Variants in SNTG1 observed in about 807,000 individuals in gnomAD.
SNTG1 encodes gamma-1-syntrophin.
Under a neutral mutation model 74.7 loss-of-function variants are expected in SNTG1, and 39 were observed. The observed-to-expected ratio is 0.52, with a 90% confidence interval of 0.40 to 0.68. The LOEUF (loss-of-function observed/expected upper bound fraction) is 0.68. SNTG1 is among the 30% of genes least tolerant of loss of function. The pLI is 0.00. For missense variants in SNTG1, 685 were observed against 609.5 expected (o/e 1.12, Z -1.30); for synonymous variants, 254 against 217.1 (o/e 1.17, Z -1.49).
At chr8:49,962,325 T>C (rs569178191) in intron 1 of SNTG1, among the ~76,000 whole-genome samples, 17 of 151,444 alleles carry the variant, frequency 1.1e-4, no homozygotes, top group African/African-American at 3.9e-4. Context: ...GGGTGATATC[T>C]AGGGTGCCTT....
In SNTG1 at chr8:50,671,283, C is replaced by T. The variant is rs1267370295; in HGVS notation, c.1038+12620C>T. Reference sequence around the variant, plus strand: ...CCTACAAAATGGGAGAAAATTTTTGCAACCTACTCATCTGACAAAGGGCTA... The same window carrying T: ...CCTACAAAATGGGAGAAAATTTTTGTAACCTACTCATCTGACAAAGGGCTA... On this transcript the variant is annotated intron_variant, in intron 15 of 18. Transcript: ENST00000642720. Among the ~76,000 whole-genome samples, 6 of 151,820 alleles carry T rather than the reference C, an allele frequency of 4.0e-5. No homozygotes were observed. In the East Asian group the frequency reaches 1.2e-3, roughly 29 times the overall value.
intron 2 of SNTG1, among the ~76,000 whole-genome samples, chr8:50,210,906 A>G (rs2084490673): frequency 6.6e-6 from 1 of 152,218 alleles, no homozygotes; most frequent in African/African-American, 2.4e-5. Context: ...GTACATAGTC[A>G]CTAATTAGCT....
intron 1 of SNTG1, among the ~76,000 whole-genome samples, chr8:50,171,922 T>C (rs2082821558): frequency 6.6e-6 from 1 of 152,168 alleles, no homozygotes; most frequent in African/African-American, 2.4e-5. Context: ...TGCCTATCAT[T>C]GATTAAAGTA....
At chr8:50,246,232 G>A (rs1208519739) in intron 2 of SNTG1, among the ~76,000 whole-genome samples, 2 of 151,598 alleles carry the variant, frequency 1.3e-5, no homozygotes, top group Non-Finnish European at 2.9e-5. Flanking sequence ...TAAGTTCCTA[G>A]GGCTATGGTA....
intron 1 of SNTG1, among the ~76,000 whole-genome samples, chr8:50,127,693 C>T (rs1285396608): frequency 1.3e-5 from 2 of 152,152 alleles, no homozygotes; most frequent in African/African-American, 2.4e-5. Flanking sequence ...TTTAATAATG[C>T]TTCATTTCAG....
intron 18 of SNTG1, among the ~76,000 whole-genome samples, chr8:50,755,316 T>C (rs575299676): frequency 6.6e-6 from 1 of 151,794 alleles, no homozygotes; most frequent in African/African-American, 2.4e-5. Context: ...GTCTCCGTAC[T>C]TTTTCCTTTT....
rs962223726 is a variant in SNTG1, at chr8:50,570,113, A to G, written c.810+16934A>G. ...CTTAATTTTTTTAACAAGTTTTAAT[A>G]TTGGAAATTATCAGCTGATTTTTAT... On this transcript the variant is annotated intron_variant, in intron 12 of 18. Transcript: ENST00000642720. Among the ~76,000 whole-genome samples the G allele has an allele frequency of 3.3e-5, 5 of 151,966 alleles. No individual in the cohort carries two copies. The East Asian group carries it at 9.7e-4, about 29-fold the overall frequency.
intron 1 of SNTG1, among the ~76,000 whole-genome samples, chr8:50,022,199 A>G (rs542059071): frequency 6.6e-6 from 1 of 152,306 alleles, no homozygotes; most frequent in East Asian, 1.9e-4. Flanking sequence ...GGGGGAAATA[A>G]CATCCCTGTG....
chr8:50,780,664 T>G lies in SNTG1; in HGVS notation c.1396-12007T>G, dbSNP rs550936259. Among the ~76,000 whole-genome samples, 6 of 152,330 alleles carry G rather than the reference T, an allele frequency of 3.9e-5. 1 individual carries two copies. In the East Asian group the frequency reaches 1.2e-3, roughly 29 times the overall value. On this transcript the variant is annotated intron_variant, in intron 18 of 18. Coordinates refer to ENST00000642720, the MANE Select transcript of SNTG1 (RefSeq NM_018967.5). ...CTTTTCAAAAAACCAGCTCCTGGAT[T>G]CTTTAATTTTTTGAAGGCTTTTTTG... is the stretch of plus-strand genomic sequence containing the variant.
rs371837154 is a variant in SNTG1 at position 50,449,658 on chromosome 8, C to A, written c.220-10C>A. 68 of 1,580,048 alleles carry A rather than the reference C, an allele frequency of 4.3e-5. No homozygotes were observed. The African/African-American group carries it at 8.2e-4, about 19-fold the overall frequency. ...ATTAAAAAGTACAATATATGATTTTCTCTTTTCAGGGAGGAGCAGAACATA... is the reference window on the plus strand; with the variant it reads ...ATTAAAAAGTACAATATATGATTTTATCTTTTCAGGGAGGAGCAGAACATA... On this transcript the variant is annotated splice_polypyrimidine_tract_variant and intron_variant, in intron 5 of 18. Transcript: ENST00000642720.
At chr8:50,485,410 T>C (rs1287144611) in intron 8 of SNTG1, among the ~76,000 whole-genome samples, 1 of 152,138 alleles carries the variant, frequency 6.6e-6, no homozygotes, top group African/African-American at 2.4e-5. Context: ...TACTTTTTTT[T>C]CCTTTTAACT....
intron 9 of SNTG1, among the ~76,000 whole-genome samples, chr8:50,529,531 G>A (rs1429360999): frequency 6.6e-6 from 1 of 151,818 alleles, no homozygotes; most frequent in Admixed American, 6.6e-5. Context: ...CAAATAATCA[G>A]AAGTCAGGAA....
At chr8:50,178,485 G>T (rs2083082876) in intron 2 of SNTG1, among the ~76,000 whole-genome samples, 1 of 151,912 alleles carries the variant, frequency 6.6e-6, no homozygotes, top group Non-Finnish European at 1.5e-5. Context: ...AAATTAACAA[G>T]TTGGGAAAGG....
chr8:50,473,966 G>T (rs996691868), intron 8 of SNTG1, among the ~76,000 whole-genome samples: 1 of 148,688 alleles, frequency 6.7e-6, no homozygotes, highest in Non-Finnish European at 1.5e-5. Flanking sequence ...TAGTTTTTAA[G>T]TTTTTTTTTT....
chr8:50,448,387 A>G (rs9987391), intron 5 of SNTG1, among the ~76,000 whole-genome samples: 13,720 of 152,144 alleles, frequency 0.09, 1,913 homozygotes, highest in African/African-American at 0.3. Context: ...CTGGCAATTC[A>G]GTGTTAAAAA....
chr8:50,089,304 T>C (rs2131144172), intron 1 of SNTG1, among the ~76,000 whole-genome samples: 1 of 151,768 alleles, frequency 6.6e-6, no homozygotes, highest in Non-Finnish European at 1.5e-5. Flanking sequence ...ATAAAAACCC[T>C]AGAAGAAAAC....
intron 8 of SNTG1, among the ~76,000 whole-genome samples, chr8:50,488,101 G>C (rs1200712141): frequency 6.6e-6 from 1 of 152,186 alleles, no homozygotes; most frequent in Non-Finnish European, 1.5e-5. Flanking sequence ...TCTAGGTAGA[G>C]TCTTCCTTCT....
intron 2 of SNTG1, among the ~76,000 whole-genome samples, chr8:50,259,508 A>AAAAGAAAGAAAGAAAGAAAGAAAG (rs555536386): frequency 6.4e-5 from 1 of 15,748 alleles, no homozygotes; most frequent in African/African-American, 7.7e-5. Context: ...CAAAAAAAAA[A>AAAAGAAAGAAAGAAAGAAAGAAAG]AAAGAAAGAA....
At chr8:50,306,044 C>G (rs1440348096) in intron 2 of SNTG1, among the ~76,000 whole-genome samples, 1 of 145,576 alleles carries the variant, frequency 6.9e-6, no homozygotes, top group African/African-American at 2.6e-5. Context: ...TCCCTACCCC[C>G]CTCCCACCCT....
Sources: allele counts gnomAD v4.1 joint callset (sites outside exome capture counted in the v4.1 genomes callset), GRCh38; gene constraint gnomAD v4.1.1; transcripts MANE v1.5; gene names NCBI Gene and HGNC (gene_info 2026-07-23, HGNC 2026-07-21).